PHLPP1: variants seen among roughly 807,000 people sequenced by gnomAD.
The protein encoded by PHLPP1 is PH domain and leucine rich repeat protein phosphatase 1, also known as PH domain leucine-rich repeat-containing protein phosphatase 1.
PHLPP1 carries 42 observed loss-of-function variants against 117.2 expected under a neutral mutation model. That is an observed-to-expected ratio of 0.36 (90% CI 0.28 to 0.46). PHLPP1 has a LOEUF of 0.46. Ranked by LOEUF, PHLPP1 falls within the 20% of genes least tolerant of loss-of-function variation. The pLI, the probability that PHLPP1 is intolerant of heterozygous loss-of-function variation, is 1.00. For synonymous variants in PHLPP1, 1,042 were observed against 970.7 expected, an observed-to-expected ratio of 1.07 and a Z score of -1.37; for missense variants, 2,084 against 2,241.9, an observed-to-expected ratio of 0.93 and a Z score of 1.42.
rs1216886920 is a variant in PHLPP1, at chr18:62,734,354, C to T, written c.1576+17095C>T. ...AGAAGGAATTTTTAAAAAAACCTCT[C>T]GTCTATGCTAGGAAGAAACAAAATC... On this transcript the variant is annotated intron_variant, in intron 1 of 16. Coordinates refer to ENST00000262719, the MANE Select transcript of PHLPP1 (RefSeq NM_194449.4). 2.6e-5 allele frequency among the ~76,000 whole-genome samples: 4 copies of T among 152,238 alleles called. No individual in the cohort carries two copies. In the East Asian group the frequency reaches 7.7e-4, roughly 29 times the overall value.
intron 1 of PHLPP1, among the ~76,000 whole-genome samples, chr18:62,795,311 C>G (rs1368961940): frequency 1.3e-5 from 2 of 151,802 alleles, no homozygotes; most frequent in Non-Finnish European, 2.9e-5. Context: ...AACCTCATCT[C>G]TACTAAAATA....
chr18:62,815,364 A>G (rs1914243659), intron 1 of PHLPP1, among the ~76,000 whole-genome samples: 1 of 151,804 alleles, frequency 6.6e-6, no homozygotes, highest in Admixed American at 6.6e-5. Context: ...TCACCGTGTT[A>G]GCCAGGATGG....
intron 12 of PHLPP1, among the ~76,000 whole-genome samples, chr18:62,957,490 GCT>G (rs1247416859): frequency 6.6e-6 from 1 of 151,938 alleles, no homozygotes; most frequent in East Asian, 1.9e-4. Context: ...AGGCTTACCT[GCT>G]CATCTTGCTT....
At chr18:62,868,090 G>C (rs755935312) in intron 4 of PHLPP1, among the ~76,000 whole-genome samples, 2 of 152,114 alleles carry the variant, frequency 1.3e-5, no homozygotes, top group Admixed American at 6.5e-5. Flanking sequence ...GATTACAAGC[G>C]TGAGCCACTG....
chr18:62,845,676 T>C (rs1915163426), intron 3 of PHLPP1, among the ~76,000 whole-genome samples: 1 of 152,184 alleles, frequency 6.6e-6, no homozygotes, highest in Non-Finnish European at 1.5e-5. Context: ...TTTTGCCTCT[T>C]AACTTGAAGT....
At chr18:62,902,360 TC>T in intron 6 of PHLPP1, among the ~76,000 whole-genome samples, 1 of 152,324 alleles carries the variant, frequency 6.6e-6, no homozygotes, top group Admixed American at 6.5e-5. Flanking sequence ...TGGTGGTTCA[TC>T]CTGGTCCTGA....
intron 10 of PHLPP1, among the ~76,000 whole-genome samples, chr18:62,931,979 G>T (rs934352613): frequency 2.0e-5 from 3 of 151,504 alleles, no homozygotes; most frequent in Non-Finnish European, 2.9e-5. Flanking sequence ...TCCTCAGAGA[G>T]TACTGCAAAT....
chr18:62,836,605 A>G (rs1374707067), intron 2 of PHLPP1, among the ~76,000 whole-genome samples: 2 of 151,836 alleles, frequency 1.3e-5, no homozygotes, highest in Admixed American at 1.3e-4. Flanking sequence ...TACTATCCTC[A>G]TAGAATGGGT....
Position 62,895,939 on chromosome 18 carries a change from C to G in PHLPP1, c.2372C>G (p.Ser791Cys). 4 of 1,613,766 alleles carry G rather than the reference C, an allele frequency of 2.5e-6. No individual in the cohort carries two copies. Among genetic ancestry groups the G allele is most frequent in the Non-Finnish European group, 3.4e-6 (4 of 1,179,738 alleles). ...ACTGCTGTGGATAAACTTTGTATGT[C>G]TGGAAACTGTGTGGAGACCCTTAGG... is the stretch of plus-strand genomic sequence containing the variant. Reference protein sequence around the residue: ...KLTAVDKLCMSGNCVETLRLQ... With the variant: ...KLTAVDKLCMCGNCVETLRLQ... The change falls in exon 6 of 17, where the codon TCT (serine) becomes TGT (cysteine). Residue 791 changes from serine (S) to cysteine (C), a missense_variant. By Grantham distance (112) the Ser-to-Cys change is moderately radical (BLOSUM62 -1). Around this residue, in one of 2 missense-constraint regions of PHLPP1, gnomAD observed 1,365 missense variants for 1,605.9 expected, o/e 0.85. Coordinates refer to ENST00000262719, the MANE Select transcript of PHLPP1 (RefSeq NM_194449.4).
At chr18:62,959,015 G>T (rs1248811473) in intron 13 of PHLPP1, among the ~76,000 whole-genome samples, 1 of 152,154 alleles carries the variant, frequency 6.6e-6, no homozygotes, top group African/African-American at 2.4e-5. Flanking sequence ...GATGATGTAG[G>T]GAAAATTAAC....
rs758278402 is a variant in PHLPP1 at position 62,717,099 on chromosome 18, C to T, written c.1416C>T (p.Tyr472=). Residue 472 remains tyrosine (Y), a synonymous_variant, in exon 1 of 17, where the codon TAC becomes TAT. Transcript: ENST00000262719. ...CGCCGCCCCCGCCGCCCACCCTGTACGTGCAGCTCCACGGAGAGACCACCC... is the reference window on the plus strand; with the variant it reads ...CGCCGCCCCCGCCGCCCACCCTGTATGTGCAGCTCCACGGAGAGACCACCC... ...APPPPPPPTL[Y]VQLHGETTRR... The T allele has an allele frequency of 3.9e-5, 59 of 1,524,472 alleles. No individual in the cohort carries two copies. The highest frequency in any genetic ancestry group is 4.9e-5 in the Non-Finnish European group (55 of 1,124,500). The allele number at this position is 1,524,472 out of a possible 1,614,324, so 94.4% of individuals were successfully genotyped here. A position where few individuals can be genotyped will look rare whatever the true frequency, so the allele number is the denominator to read the frequency against.
chr18:62,717,455 A>G (rs775706807), intron 1 of PHLPP1, among the ~76,000 whole-genome samples, 196 bp downstream of exon 1: 36 of 152,098 alleles, frequency 2.4e-4, no homozygotes, highest in Non-Finnish European at 4.1e-4. Flanking sequence ...CGTTTTATCA[A>G]TCTTGAGGGC....
At chr18:62,820,453 T>G (rs1914417941) in intron 1 of PHLPP1, among the ~76,000 whole-genome samples, 1 of 152,242 alleles carries the variant, frequency 6.6e-6, no homozygotes, top group Non-Finnish European at 1.5e-5. Context: ...AAATTTCATC[T>G]TGAATTGTAA....
rs955642336 is a variant in PHLPP1 at position 62,716,869 on chromosome 18, C to T, written c.1186C>T (p.Arg396Cys). 18 of 1,522,958 alleles carry T rather than the reference C, an allele frequency of 1.2e-5. 1 individual carries two copies. The Admixed American group carries it at 2.8e-4, about 24-fold the overall frequency. The allele number at this position is 1,522,958 out of a possible 1,614,324, so 94.3% of individuals were successfully genotyped here. Residue 396 changes from arginine to cysteine, a missense_variant, in exon 1 of 17, where the codon CGT becomes TGT. Around this residue, in one of 2 missense-constraint regions of PHLPP1, gnomAD observed 719 missense variants for 636.0 expected, o/e 1.13. Coordinates refer to ENST00000262719, the MANE Select transcript of PHLPP1 (RefSeq NM_194449.4). The surrounding 1 kb of genome is among the most constrained non-coding windows in gnomAD (Gnocchi z 5.7). ...GACGGGGGTCCCGGGCCAGCCCCGC[C>T]GTCCCGGCCACCCCGCGCAGCCCCT... ...APTGVPGQPR[R>C]PGHPAQPLPL...
Position 62,920,001 on chromosome 18 carries a change from C to A in PHLPP1, c.2847C>A (p.His949Gln). The A allele has an allele frequency of 1.2e-6, 2 of 1,608,998 alleles. No homozygotes were observed. Among genetic ancestry groups the A allele is most frequent in the Admixed American group, 3.4e-5 (2 of 59,214 alleles). Residue 949 changes from histidine (H) to glutamine (Q), a missense_variant, in exon 10 of 17, where the codon CAC (histidine) becomes CAA (glutamine). His to Gln is a conservative substitution (Grantham distance 24). This residue lies in a region of PHLPP1 where 1,365 missense variants were observed against 1,605.9 expected (regional missense o/e 0.85). Transcript: ENST00000262719. ...NSSLRKLLAG[H>Q]NQLARLPERL... Reference sequence around the variant, plus strand: ...GTCTCCGGAAACTACTGGCAGGACACAACCAGTTGGCAAGGCTGCCTGAAA... The same window carrying A: ...GTCTCCGGAAACTACTGGCAGGACAAAACCAGTTGGCAAGGCTGCCTGAAA...
intron 3 of PHLPP1, among the ~76,000 whole-genome samples, chr18:62,840,215 C>T (rs1353324280): frequency 6.6e-6 from 1 of 152,100 alleles, no homozygotes. Context: ...AGGTAAAAAC[C>T]ATTGCCTGAT....
chr18:62,833,485 C>T (rs1485240177), intron 2 of PHLPP1, among the ~76,000 whole-genome samples: 1 of 152,182 alleles, frequency 6.6e-6, no homozygotes, highest in Non-Finnish European at 1.5e-5. Flanking sequence ...ACCAGAGTTT[C>T]TTCTACCTGT....
At chr18:62,884,590 G>T (rs975380670) in intron 4 of PHLPP1, among the ~76,000 whole-genome samples, 6 of 152,228 alleles carry the variant, frequency 3.9e-5, no homozygotes, top group Non-Finnish European at 7.3e-5. Flanking sequence ...AAGTCCAGCC[G>T]TTGAGCAGCT....
chr18:62,861,161 G>A (rs746370109), intron 4 of PHLPP1, among the ~76,000 whole-genome samples: 2 of 152,100 alleles, frequency 1.3e-5, no homozygotes, highest in East Asian at 1.9e-4. Flanking sequence ...TCAGGCTGGA[G>A]TGCAGTGGCA....
Sources: gnomAD v4.1 joint callset for allele counts (sites outside exome capture counted in the v4.1 genomes callset) on GRCh38, gnomAD v4.1.1 for gene constraint, gnomAD v4.1.1 regional missense constraint, Gnocchi (gnomAD v3.1) non-coding constraint, MANE v1.5 for transcripts, NCBI Gene and HGNC (gene_info 2026-07-23, HGNC 2026-07-21) for gene names.